CPXM2: variants seen among roughly 807,000 people sequenced by gnomAD.
CPXM2 encodes carboxypeptidase X, M14 family member 2, also known as inactive carboxypeptidase-like protein X2.
CPXM2 carries 66 observed loss-of-function variants against 86.1 expected under a neutral mutation model. That is an observed-to-expected ratio of 0.77 (90% CI 0.63 to 0.94). The LOEUF is 0.94. CPXM2 is among the 40% of genes least tolerant of loss of function. CPXM2 has a pLI of 0.00. For missense variants in CPXM2, 948 were observed against 1,026.3 expected (o/e 0.92, Z 1.04); for synonymous variants, 388 against 400.2 (o/e 0.97, Z 0.36).
At chr10:123,854,303 A>C (rs954075184) in intron 3 of CPXM2, among the ~76,000 whole-genome samples, 8 of 145,420 alleles carry the variant, frequency 5.5e-5, no homozygotes, top group Non-Finnish European at 8.9e-5. Flanking sequence ...AAGGCAGCAC[A>C]AGCTGAGAGG....
chr10:123,806,065 T>C (rs1847572469), intron 4 of CPXM2, among the ~76,000 whole-genome samples: 1 of 152,222 alleles, frequency 6.6e-6, no homozygotes, highest in Non-Finnish European at 1.5e-5. Flanking sequence ...ATTTATCCTT[T>C]CTGGTATGCT....
intron 10 of CPXM2, among the ~76,000 whole-genome samples, chr10:123,763,793 T>C (rs1846403112): frequency 6.6e-6 from 1 of 152,180 alleles, no homozygotes; most frequent in Admixed American, 6.5e-5. Context: ...GAACTTTCTT[T>C]TACTGTCTTC....
chr10:123,767,918 A>T (rs1439956853), intron 9 of CPXM2, among the ~76,000 whole-genome samples: 2 of 152,248 alleles, frequency 1.3e-5, no homozygotes, highest in East Asian at 3.9e-4. Flanking sequence ...CAGCCAACAT[A>T]AAGTGTTACT....
chr10:123,796,155 G>A (rs920594271), intron 6 of CPXM2, among the ~76,000 whole-genome samples: 1 of 152,220 alleles, frequency 6.6e-6, no homozygotes. Flanking sequence ...CGCCACAGAA[G>A]GAGGCCCACA....
intron 6 of CPXM2, among the ~76,000 whole-genome samples, chr10:123,787,249 G>A (rs956208931): frequency 6.6e-6 from 1 of 152,192 alleles, no homozygotes; most frequent in Non-Finnish European, 1.5e-5. Flanking sequence ...GAAGATCTAG[G>A]AAAGGTGGAA....
intron 11 of CPXM2, among the ~76,000 whole-genome samples, chr10:123,758,795 C>T (rs74161097): frequency 6.6e-6 from 1 of 152,170 alleles, no homozygotes; most frequent in African/African-American, 2.4e-5. Flanking sequence ...TGACCACCCT[C>T]CCTGGGCTCT....
At chr10:123,758,128 C>T (rs924064335) in intron 11 of CPXM2, among the ~76,000 whole-genome samples, 5 of 152,242 alleles carry the variant, frequency 3.3e-5, no homozygotes, top group East Asian at 1.9e-4. Context: ...CCTGGCATGA[C>T]GACAGCAGGA....
At chr10:123,781,434 G>A (rs1846931596) in intron 6 of CPXM2, among the ~76,000 whole-genome samples, 1 of 152,216 alleles carries the variant, frequency 6.6e-6, no homozygotes, top group East Asian at 1.9e-4. Context: ...TCTGCCTCGA[G>A]GTCCCCCAGC....
At chr10:123,816,888 T>C (rs1482014943) in intron 4 of CPXM2, among the ~76,000 whole-genome samples, 1 of 152,208 alleles carries the variant, frequency 6.6e-6, no homozygotes, top group Non-Finnish European at 1.5e-5. Flanking sequence ...ACTGATTGGA[T>C]CCAGTGAGCA....
At chr10:123,788,878 G>GAA (rs11461379) in intron 6 of CPXM2, among the ~76,000 whole-genome samples, 2,730 of 138,728 alleles carry the variant, frequency 0.02, 43 homozygotes, top group South Asian at 0.061. Context: ...CACCTTGATT[G>GAA]AAAAAAAAAA....
Position 123,891,399 on chromosome 10 carries a change from T to C in CPXM2, c.261A>G (p.Lys87=), listed in dbSNP as rs1003321502. 6.4e-7 allele frequency: 1 copy of C among 1,567,244 alleles called. No individual in the cohort carries two copies. ...GAGCCGACTTCTCCCTCTTGGGAGC[T>C]TTCTTGGGCTTGGTGGCCCTCTTGG... ...RPPKRATKPK[K]APKREKSAPE... The change falls in exon 1 of 14, where the codon AAA becomes AAG. Residue 87 remains lysine (K), a synonymous_variant. Transcript: ENST00000241305. The surrounding 1 kb of genome is among the most constrained non-coding windows in gnomAD (Gnocchi z 5.6).
chr10:123,836,989 T>C (rs1445249322), intron 4 of CPXM2, among the ~76,000 whole-genome samples: 2 of 151,508 alleles, frequency 1.3e-5, no homozygotes, highest in Non-Finnish European at 2.9e-5. Flanking sequence ...CACCCCCCAC[T>C]AACTTTCCCT....
intron 4 of CPXM2, among the ~76,000 whole-genome samples, chr10:123,806,982 T>A (rs1847592860): frequency 6.6e-6 from 1 of 152,102 alleles, no homozygotes; most frequent in Non-Finnish European, 1.5e-5. Flanking sequence ...CTGCAACCCA[T>A]GTGATAGCAG....
chr10:123,858,705 G>T (rs1416880003), intron 3 of CPXM2, among the ~76,000 whole-genome samples: 1 of 152,196 alleles, frequency 6.6e-6, no homozygotes, highest in East Asian at 1.9e-4. Context: ...TGCCAATAAT[G>T]CTTGGAGCTG....
At chr10:123,855,283 T>C (rs1848695828) in intron 3 of CPXM2, among the ~76,000 whole-genome samples, 1 of 152,226 alleles carries the variant, frequency 6.6e-6, no homozygotes, top group Non-Finnish European at 1.5e-5. Context: ...TGATTATTTT[T>C]GCCTCTGCAG....
chr10:123,886,123 A>G (rs1996430), intron 1 of CPXM2, among the ~76,000 whole-genome samples: 103,268 of 152,156 alleles, frequency 0.68, 36,432 homozygotes, highest in African/African-American at 0.83. Flanking sequence ...TTGGAATTCT[A>G]TAGGGAGTTT....
chr10:123,781,281 T>C (rs1049598749), intron 6 of CPXM2, among the ~76,000 whole-genome samples: 1 of 152,196 alleles, frequency 6.6e-6, no homozygotes, highest in African/African-American at 2.4e-5. Flanking sequence ...CTTGATTCCC[T>C]TCCATATAAA....
chr10:123,801,104 C>A (rs1847448033), intron 4 of CPXM2, among the ~76,000 whole-genome samples: 1 of 152,318 alleles, frequency 6.6e-6, no homozygotes, highest in South Asian at 2.1e-4. Flanking sequence ...TTGGCTGTGT[C>A]CTCACCCAAA....
chr10:123,814,424 C>T (rs1847767687), intron 4 of CPXM2, among the ~76,000 whole-genome samples: 1 of 152,176 alleles, frequency 6.6e-6, no homozygotes, highest in Non-Finnish European at 1.5e-5. Context: ...GACTGGCTTT[C>T]CTTGATCCTC....
Sources: gnomAD v4.1 joint callset for allele counts (sites outside exome capture counted in the v4.1 genomes callset) on GRCh38, gnomAD v4.1.1 for gene constraint, Gnocchi (gnomAD v3.1) non-coding constraint, MANE v1.5 for transcripts, NCBI Gene and HGNC (gene_info 2026-07-23, HGNC 2026-07-21) for gene names.